Variants in EGFR observed in about 807,000 individuals in gnomAD.
The protein encoded by EGFR is avian erythroblastic leukemia viral (v-erb-b) oncogene homolog.
EGFR carries 58 observed loss-of-function variants against 143.0 expected under a neutral mutation model. The ratio of observed to expected loss-of-function variants is 0.41; its 90% CI spans 0.33 to 0.50. The LOEUF (loss-of-function observed/expected upper bound fraction) is 0.50, where lower values mean the gene tolerates loss of function less well. Among genes scored for constraint, EGFR ranks in the 20% least tolerant of loss-of-function variants. The probability of loss-of-function intolerance (pLI) is 0.39; values close to 1 mark genes in which losing one functional copy is unlikely to be tolerated. For missense variants in EGFR, 1,307 were observed against 1,579.0 expected (o/e 0.83, Z 2.92); for synonymous variants, 613 against 594.4 (o/e 1.03, Z -0.45).
chr7:55,179,292 G>A (rs1163034944), intron 19 of EGFR, among the ~76,000 whole-genome samples: 1 of 152,252 alleles, frequency 6.6e-6, no homozygotes, highest in Non-Finnish European at 1.5e-5. Context: ...TGGAAGGCTA[G>A]GCCTGTCTCC....
At chr7:55,166,178 A>G (rs1053845225) in intron 15 of EGFR, 25 of 470,976 alleles carry the variant, frequency 5.3e-5, no homozygotes, top group Middle Eastern at 7.7e-4. Context: ...AAAAAAAGCT[A>G]CTTTGACTGG....
intron 1 of EGFR, among the ~76,000 whole-genome samples, chr7:55,109,450 C>T (rs978435519): frequency 6.6e-6 from 1 of 152,116 alleles, no homozygotes; most frequent in African/African-American, 2.4e-5. Flanking sequence ...TCATGGCCCT[C>T]TCCAAAAAAA....
intron 1 of EGFR, among the ~76,000 whole-genome samples, chr7:55,089,890 A>C (rs1337471053): frequency 6.6e-6 from 1 of 152,188 alleles, no homozygotes. Context: ...CAAGCTGCTC[A>C]AAGGACTCAT....
chr7:55,191,053 G>A (rs1199254852), intron 20 of EGFR, among the ~76,000 whole-genome samples: 8 of 152,190 alleles, frequency 5.3e-5, no homozygotes, highest in East Asian at 1.9e-4. Context: ...TCTGTTGGGC[G>A]CTGTGCTGGC....
At chr7:55,200,466 T>C (rs2128970144) in intron 24 of EGFR, 53 bp downstream of exon 24, 1 of 1,542,602 alleles carries the variant, frequency 6.5e-7, no homozygotes, top group Non-Finnish European at 9.0e-7. Context: ...AATGAGCATC[T>C]CATGTCACTG....
chr7:55,203,967 A>G (rs1309357366), intron 27 of EGFR, among the ~76,000 whole-genome samples: 3 of 151,000 alleles, frequency 2.0e-5, no homozygotes, highest in East Asian at 3.9e-4. Context: ...CTTTATACAT[A>G]TGTTATATGT....
chr7:55,151,494 T>A, intron 5 of EGFR, 132 bp downstream of exon 5: 1 of 942,320 alleles, frequency 1.1e-6, no homozygotes, highest in Non-Finnish European at 1.7e-6. Flanking sequence ...TGTGAACCAG[T>A]AGGTGAAGGA....
In EGFR at chr7:55,045,220, T is replaced by C. The variant is rs544474656; in HGVS notation, c.88+25855T>C. Among the ~76,000 whole-genome samples the C allele has an allele frequency of 4.6e-5, 7 of 152,360 alleles. No individual in the cohort carries two copies. The South Asian group carries it at 8.3e-4, about 18-fold the overall frequency. On this transcript the variant is annotated intron_variant, in intron 1 of 27. Transcript: ENST00000275493. Reference sequence around the variant, plus strand: ...TTTCAAATCTTTGACTTCACTAAGATTTAATAAAGTTTATTAATCATATAT... The same window carrying C: ...TTTCAAATCTTTGACTTCACTAAGACTTAATAAAGTTTATTAATCATATAT...
chr7:55,067,123 C>CGG (rs1391128700), intron 1 of EGFR, among the ~76,000 whole-genome samples: 1 of 152,128 alleles, frequency 6.6e-6, no homozygotes, highest in Non-Finnish European at 1.5e-5. Flanking sequence ...GGAGGTAGGG[C>CGG]GCAGTTTCAG....
chr7:55,129,112 G>A (rs1584110872), intron 1 of EGFR, among the ~76,000 whole-genome samples: 2 of 152,346 alleles, frequency 1.3e-5, no homozygotes, highest in Non-Finnish European at 2.9e-5. Flanking sequence ...GACAAAATGT[G>A]CTGTGAAATA....
chr7:55,109,512 T>C (rs940878911), intron 1 of EGFR, among the ~76,000 whole-genome samples: 1 of 152,228 alleles, frequency 6.6e-6, no homozygotes, highest in Non-Finnish European at 1.5e-5. Context: ...TGCTGCTTAC[T>C]GGTTAGGGCA....
At chr7:55,115,956 A>C (rs1422473390) in intron 1 of EGFR, among the ~76,000 whole-genome samples, 1 of 152,180 alleles carries the variant, frequency 6.6e-6, no homozygotes, top group African/African-American at 2.4e-5. Flanking sequence ...ATGTAACTGG[A>C]GAGGGGTCTG....
intron 1 of EGFR, among the ~76,000 whole-genome samples, chr7:55,114,996 C>G (rs542706810): frequency 2.6e-5 from 4 of 151,810 alleles, no homozygotes; most frequent in African/African-American, 9.7e-5. Flanking sequence ...ATTCTCCTGC[C>G]TCAGCCTCCT....
chr7:55,103,467 A>G (rs1291498302), intron 1 of EGFR, among the ~76,000 whole-genome samples: 1 of 152,264 alleles, frequency 6.6e-6, no homozygotes, highest in Non-Finnish European at 1.5e-5. Flanking sequence ...ATACCCTTAC[A>G]GAATGTGATC....
chr7:55,160,702 T>C (rs946535369), intron 12 of EGFR, among the ~76,000 whole-genome samples: 2 of 152,218 alleles, frequency 1.3e-5, no homozygotes, highest in African/African-American at 4.8e-5. Flanking sequence ...AATGAGCACT[T>C]TACATCAACA....
At chr7:55,151,953 T>A (rs1219804207) in intron 5 of EGFR, among the ~76,000 whole-genome samples, 1 of 152,206 alleles carries the variant, frequency 6.6e-6, no homozygotes, top group Non-Finnish European at 1.5e-5. Flanking sequence ...ACAGCACACT[T>A]TCCCAGGAAT....
intron 22 of EGFR, among the ~76,000 whole-genome samples, chr7:55,193,467 A>G (rs995775130): frequency 6.6e-6 from 1 of 152,126 alleles, no homozygotes; most frequent in African/African-American, 2.4e-5. Flanking sequence ...ACCCGGCCCT[A>G]GGTCCCTGCC....
Position 55,173,906 on chromosome 7 carries a change from T to G in EGFR, c.2062-15T>G, listed in dbSNP as rs2128953468. On this transcript the variant is annotated splice_polypyrimidine_tract_variant and intron_variant, in intron 17 of 27. Transcript: ENST00000275493. ...GCTGAGGTGACCCTTGTCTCTGTGT[T>G]CTTGTCCCCCCCAGCTTGTGGAGCC... 6.2e-7 allele frequency: 1 copy of G among 1,614,252 alleles called. No homozygotes were observed. Among genetic ancestry groups the G allele is most frequent in the Non-Finnish European group, 8.5e-7 (1 of 1,180,044 alleles).
chr7:55,181,917 G>A, intron 20 of EGFR: 1 of 284,628 alleles, frequency 3.5e-6, no homozygotes, highest in South Asian at 3.7e-5. Context: ...GAGGCCCAGT[G>A]AGGAGGTGCA....
Sources: gnomAD v4.1 joint callset for allele counts (sites outside exome capture counted in the v4.1 genomes callset) on GRCh38, gnomAD v4.1.1 for gene constraint, MANE v1.5 for transcripts, NCBI Gene and HGNC (gene_info 2026-07-23, HGNC 2026-07-21) for gene names.